TSBP1: variants seen among roughly 807,000 people sequenced by gnomAD.
The protein encoded by TSBP1 is testis expressed basic protein 1, also known as testis-expressed basic protein 1.
In TSBP1, 56 loss-of-function variants were observed where a neutral mutation model predicts 68.8. That is an observed-to-expected ratio of 0.81 (90% CI 0.66 to 1.02). The LOEUF (loss-of-function observed/expected upper bound fraction) is 1.02. Ranked by LOEUF, TSBP1 falls within the 50% of genes least tolerant of loss-of-function variation. The pLI is 0.00. For missense variants in TSBP1, 502 were observed against 641.2 expected (o/e 0.78, Z 2.34); for synonymous variants, 171 against 208.7 (o/e 0.82, Z 1.56).
At chr6:32,344,295 C>A (rs1299223710) in intron 9 of TSBP1, among the ~76,000 whole-genome samples, 3 of 115,992 alleles carry the variant, frequency 2.6e-5, no homozygotes, top group Non-Finnish European at 5.0e-5. Context: ...AACAGTCGAT[C>A]AATGACAGGA....
In TSBP1 at chr6:32,315,163, G is replaced by A. The variant is rs1766811430; in HGVS notation, c.580+609C>T. Among the ~76,000 whole-genome samples, 2 of 152,144 alleles carry A rather than the reference G, an allele frequency of 1.3e-5. No homozygotes were observed. Among genetic ancestry groups the A allele is most frequent in the African/African-American group, 2.4e-5 (1 of 41,434 alleles). ...TGGAAAACTAGGACACAGTGTGAAA[G>A]GTGCTTTCACGAATTCTATATTAAA... is the stretch of plus-strand genomic sequence containing the variant. On this transcript the variant is annotated intron_variant, in intron 19 of 22. Coordinates refer to ENST00000612031, the Ensembl canonical transcript of TSBP1. This position sits in a 1 kb window ranked among gnomAD's most constrained non-coding sequence, Gnocchi z 5.4.
At chr6:32,347,377 T>G (rs1403904327) in intron 9 of TSBP1, among the ~76,000 whole-genome samples, 2 of 132,942 alleles carry the variant, frequency 1.5e-5, no homozygotes, top group Admixed American at 1.5e-4. Context: ...GTTGAGGCTG[T>G]GATGTCTGGT....
chr6:32,310,761 A>ATTTTTTTT (rs199706394), intron 19 of TSBP1, among the ~76,000 whole-genome samples: 56 of 144,834 alleles, frequency 3.9e-4, no homozygotes, highest in East Asian at 1.8e-3. Context: ...ATATATATAT[A>ATTTTTTTT]TTTTTAATCT....
rs1765555752 is a variant in TSBP1, at chr6:32,304,110, G to C, written c.581-1481C>G. ...TTTCTATGTGGTTTCTTGTTTCTGTGGGCCTTTGACTTATTTAAAAGACAA... is the reference window on the plus strand; with the variant it reads ...TTTCTATGTGGTTTCTTGTTTCTGTCGGCCTTTGACTTATTTAAAAGACAA... On this transcript the variant is annotated intron_variant, in intron 19 of 22. Coordinates refer to ENST00000612031, the Ensembl canonical transcript of TSBP1. This position sits in a 1 kb window ranked among gnomAD's most constrained non-coding sequence, Gnocchi z 4.8. 6.6e-6 allele frequency among the ~76,000 whole-genome samples: 1 copy of C among 151,856 alleles called. No homozygotes were observed. The highest frequency in any genetic ancestry group is 2.4e-5 in the African/African-American group (1 of 41,306).
intron 14 of TSBP1, among the ~76,000 whole-genome samples, chr6:32,332,302 G>T (rs1401330917): frequency 6.6e-6 from 1 of 152,188 alleles, no homozygotes; most frequent in African/African-American, 2.4e-5. Flanking sequence ...CAACCTAAGG[G>T]ATACTAGGGA....
chr6:32,295,334 TCACA>T lies in TSBP1; in HGVS notation c.638-1303_638-1300del, dbSNP rs201473295. ...CTAGGTGACAGAGTGATACTCCATC[TCACA>T]CACACACACACAAAAAAAAAAAAAA... On this transcript the variant is annotated intron_variant, in intron 22 of 22. Transcript: ENST00000612031. Among the ~76,000 whole-genome samples, 329 of 97,410 alleles carry T rather than the reference TCACA, an allele frequency of 3.4e-3. 30 individuals are homozygous for T. The highest frequency in any genetic ancestry group is 5.5e-3 in the East Asian group (16 of 2,910). The allele number at this position is 97,410 out of a possible 152,430, so 63.9% of individuals were successfully genotyped here.
In TSBP1 at chr6:32,361,049, G is replaced by A. The variant is rs1181747579; in HGVS notation, c.217+5118C>T. On this transcript the variant is annotated intron_variant, in intron 6 of 22. Coordinates refer to ENST00000612031, the Ensembl canonical transcript of TSBP1. This position sits in a 1 kb window ranked among gnomAD's most constrained non-coding sequence, Gnocchi z 4.3. ...CCCTGCTTCCCCCACCCCGCAACAGGCCCCAGTGTGTGATGTTCCCCACCC... is the reference window on the plus strand; with the variant it reads ...CCCTGCTTCCCCCACCCCGCAACAGACCCCAGTGTGTGATGTTCCCCACCC... 6.6e-6 allele frequency among the ~76,000 whole-genome samples: 1 copy of A among 151,874 alleles called. No homozygotes were observed. The highest frequency in any genetic ancestry group is 2.4e-5 in the African/African-American group (1 of 41,296).
intron 15 of TSBP1, 33 bp from the exon 17 acceptor site, chr6:32,330,642 A>ACG (rs1768894037): frequency 7.4e-7 from 1 of 1,347,308 alleles, no homozygotes; most frequent in African/African-American, 1.6e-5. Flanking sequence ...TTAAACACAC[A>ACG]CACACACACA....
intron 22 of TSBP1, among the ~76,000 whole-genome samples, chr6:32,294,352 A>C (rs1412923408): frequency 1.0e-3 from 158 of 152,366 alleles, no homozygotes; most frequent in African/African-American, 3.5e-3. Context: ...TTCTGAAAAG[A>C]AATAGAATTT....
chr6:32,348,976 C>T (rs948488676), intron 9 of TSBP1, among the ~76,000 whole-genome samples: 2 of 151,936 alleles, frequency 1.3e-5, no homozygotes, highest in African/African-American at 4.8e-5. Context: ...TCTCATTCTT[C>T]GAAGTTCTCA....
chr6:32,356,002 G>A (rs552633113), intron 6 of TSBP1, among the ~76,000 whole-genome samples: 71 of 152,342 alleles, frequency 4.7e-4, no homozygotes, highest in African/African-American at 1.7e-3. Flanking sequence ...TTCAAGTTCA[G>A]TGACAATATG....
intron 2 of TSBP1, among the ~76,000 whole-genome samples, chr6:32,369,104 A>G (rs1468309934): frequency 6.6e-6 from 1 of 152,158 alleles, no homozygotes; most frequent in Non-Finnish European, 1.5e-5. Context: ...CAGGAAAGAG[A>G]GACCTTATGG....
At position 32,359,406 on chromosome 6, in the gene TSBP1, G is replaced by A. The variant is rs868470679; in HGVS notation, c.218-3737C>T. On this transcript the variant is annotated intron_variant, in intron 6 of 22. Coordinates refer to ENST00000612031, the Ensembl canonical transcript of TSBP1. ...TTTCTCTGATGGCCAGTGATGATGA[G>A]CATTTTTTCATGTGTCTTTTGGCTG... Among the ~76,000 whole-genome samples the A allele has an allele frequency of 3.2e-4, 48 of 152,164 alleles. 1 individual carries two copies. Among genetic ancestry groups the A allele is most frequent in the African/African-American group, 1.1e-3 (47 of 41,500 alleles).
chr6:32,332,811 T>C (rs1002687782), intron 14 of TSBP1, among the ~76,000 whole-genome samples: 1 of 152,018 alleles, frequency 6.6e-6, no homozygotes. Flanking sequence ...GGTCTTGCTC[T>C]GTTGTTGCTC....
chr6:32,310,985 A>G (rs566975131), intron 19 of TSBP1, among the ~76,000 whole-genome samples: 2 of 151,986 alleles, frequency 1.3e-5, no homozygotes, highest in South Asian at 4.2e-4. Context: ...CATTTTGCAA[A>G]ATTCCTTGTC....
chr6:32,320,856 G>T (rs879760402), intron 18 of TSBP1, among the ~76,000 whole-genome samples: 1 of 151,920 alleles, frequency 6.6e-6, no homozygotes, highest in African/African-American at 2.4e-5. Flanking sequence ...CCTCTGACAG[G>T]CCCCAGTGTC....
At chr6:32,293,676 C>T (rs563184862) in exon 23 of TSBP1, 2 of 1,613,022 alleles carry the variant, frequency 1.2e-6, no homozygotes, top group Admixed American at 1.7e-5. Context: ...GACTCCTGTC[C>T]TCTTGGTACA....
Position 32,299,918 on chromosome 6 carries a change from T to C in TSBP1, c.637+4A>G, listed in dbSNP as rs141727776. On this transcript the variant is annotated splice_donor_region_variant and intron_variant, in intron 22 of 22. Transcript: ENST00000612031. ...TCAGAGTTGAGAATAGATATGGAAC[T>C]TACCCACAGGAGTCAGTGCTAAAAA... 6.2e-7 allele frequency: 1 copy of C among 1,608,242 alleles called. No homozygotes were observed. The highest frequency in any genetic ancestry group is 8.5e-7 in the Non-Finnish European group (1 of 1,174,662).
intron 20 of TSBP1, 93 bp from the exon 24 acceptor site, chr6:32,300,793 T>A: frequency 1.0e-6 from 1 of 987,294 alleles, no homozygotes; most frequent in African/African-American, 1.6e-5. Context: ...TCTGTGTCAT[T>A]AACAACTAAA....
Sources: gnomAD v4.1 joint callset for allele counts (sites outside exome capture counted in the v4.1 genomes callset) on GRCh38, gnomAD v4.1.1 for gene constraint, Gnocchi (gnomAD v3.1) non-coding constraint, MANE v1.5 for transcripts, NCBI Gene and HGNC (gene_info 2026-07-23, HGNC 2026-07-21) for gene names.